The following PRELID2 variants were observed in gnomAD, a reference collection of about 807,000 sequenced individuals.
PRELID2 encodes the protein PRELI domain-containing protein 2.
PRELID2 carries 25 observed loss-of-function variants against 28.4 expected under a neutral mutation model. The ratio of observed to expected loss-of-function variants is 0.88; its 90% CI spans 0.64 to 1.23. The LOEUF (loss-of-function observed/expected upper bound fraction) is 1.23. PRELID2 is among the 50% of genes most tolerant of loss of function. PRELID2 has a pLI of 0.00. For synonymous variants in PRELID2, 76 were observed against 71.6 expected, an observed-to-expected ratio of 1.06 and a Z score of -0.31; for missense variants, 201 against 214.4, an observed-to-expected ratio of 0.94 and a Z score of 0.39.
At chr5:145,283,873 A>T in the PRELID2 span, among the ~76,000 whole-genome samples, 1 of 152,280 alleles carries the variant, frequency 6.6e-6, no homozygotes, top group Non-Finnish European at 1.5e-5. Context: ...CCATCACTAC[A>T]TTCAGTAAGC....
intron 5 of PRELID2, among the ~76,000 whole-genome samples, chr5:145,771,774 G>C (rs965009064): frequency 2.0e-5 from 3 of 152,106 alleles, no homozygotes; most frequent in Non-Finnish European, 4.4e-5. Context: ...AGAATTGCTT[G>C]AACGTGGGAG....
intron 4 of PRELID2, among the ~76,000 whole-genome samples, chr5:145,803,251 A>G (rs1485173231): frequency 6.6e-6 from 1 of 152,190 alleles, no homozygotes; most frequent in Non-Finnish European, 1.5e-5. Flanking sequence ...CTGCTGCTCC[A>G]GGATGGCAGA....
At chr5:145,649,058 C>T (rs1409276566) in intron 1 of PRELID2, among the ~76,000 whole-genome samples, 1 of 151,632 alleles carries the variant, frequency 6.6e-6, no homozygotes, top group African/African-American at 2.4e-5. Flanking sequence ...TTTTTGCATT[C>T]AATCAATCAC....
chr5:145,762,121 G>A (rs1337612903), intron 6 of PRELID2, among the ~76,000 whole-genome samples: 1 of 152,150 alleles, frequency 6.6e-6, no homozygotes, highest in African/African-American at 2.4e-5. Flanking sequence ...CATGAATTTT[G>A]AGAGTTGGAA....
the PRELID2 span, among the ~76,000 whole-genome samples, chr5:145,373,094 T>TGATATATATTACAACATATATAATATAC: frequency 1.5e-3 from 98 of 67,010 alleles, 14 homozygotes; most frequent in African/African-American, 5.9e-3. Flanking sequence ...ATATAATATA[T>TGATATATATTACAACATATATAATATAC]ATGATATATA....
chr5:145,621,523 T>A lies in PRELID2; in HGVS notation n.70+143408A>T, dbSNP rs552223256. Among the ~76,000 whole-genome samples the A allele has an allele frequency of 2.6e-5, 4 of 152,262 alleles. No individual in the cohort carries two copies. The East Asian group carries it at 7.7e-4, about 29-fold the overall frequency. ...CAAATCCCATCAACTGCTGAATAGA[T>A]AAATTAAATGTGGCATACTCATACA... On this transcript the variant is annotated intron_variant and non_coding_transcript_variant, in intron 1 of 2. Coordinates refer to the PRELID2 transcript ENST00000510259.
At chr5:145,748,224 G>A (rs576587943) in intron 1 of PRELID2, among the ~76,000 whole-genome samples, 4 of 152,286 alleles carry the variant, frequency 2.6e-5, no homozygotes, top group South Asian at 2.1e-4. Context: ...AATTGTCTCC[G>A]TTTGCAGACG....
chr5:145,830,154 C>T (rs1439429764), intron 1 of PRELID2, among the ~76,000 whole-genome samples: 1 of 152,164 alleles, frequency 6.6e-6, no homozygotes, highest in African/African-American at 2.4e-5. Flanking sequence ...TTGCTGAGTA[C>T]CTACTATGTT....
At chr5:145,432,888 A>G in the PRELID2 span, among the ~76,000 whole-genome samples, 3 of 152,194 alleles carry the variant, frequency 2.0e-5, no homozygotes, top group Admixed American at 1.3e-4. Context: ...GTCCCCAATT[A>G]AAGTTCAATG....
chr5:145,520,814 A>G (rs950001233), intron 1 of PRELID2, among the ~76,000 whole-genome samples: 1 of 152,232 alleles, frequency 6.6e-6, no homozygotes, highest in African/African-American at 2.4e-5. Context: ...CCTAGAAACT[A>G]GCACAATGCC....
At chr5:145,610,154 T>G (rs1278694524) in intron 1 of PRELID2, among the ~76,000 whole-genome samples, 1 of 152,152 alleles carries the variant, frequency 6.6e-6, no homozygotes, top group Non-Finnish European at 1.5e-5. Context: ...TGGGTCTCTG[T>G]GGAGGGTGTG....
chr5:145,772,370 C>T (rs542226907), intron 5 of PRELID2, among the ~76,000 whole-genome samples: 3 of 152,156 alleles, frequency 2.0e-5, no homozygotes, highest in South Asian at 4.2e-4. Context: ...TGAAAACCCC[C>T]GACACACTGT....
intron 1 of PRELID2, among the ~76,000 whole-genome samples, chr5:145,512,972 C>T (rs544749607): frequency 6.6e-5 from 10 of 152,060 alleles, no homozygotes; most frequent in Non-Finnish European, 1.2e-4. Flanking sequence ...CACAAAAACC[C>T]CATCCGAAGG....
chr5:145,612,902 G>T (rs1188277379), intron 1 of PRELID2, among the ~76,000 whole-genome samples: 1 of 152,158 alleles, frequency 6.6e-6, no homozygotes, highest in African/African-American at 2.4e-5. Flanking sequence ...CAATTGTGCT[G>T]CTATAAACAT....
At chr5:145,291,150 C>T in the PRELID2 span, among the ~76,000 whole-genome samples, 5 of 151,112 alleles carry the variant, frequency 3.3e-5, no homozygotes, top group Non-Finnish European at 5.9e-5. Flanking sequence ...CCATCCTGGC[C>T]AACATGGTGA....
intron 1 of PRELID2, among the ~76,000 whole-genome samples, chr5:145,701,952 A>G (rs1248560046): frequency 2.6e-5 from 4 of 152,004 alleles, no homozygotes; most frequent in Non-Finnish European, 5.9e-5. Context: ...TCGGGAGGCC[A>G]AGACAGGAGA....
the PRELID2 span, among the ~76,000 whole-genome samples, chr5:145,376,211 T>G: frequency 6.6e-6 from 1 of 152,200 alleles, no homozygotes; most frequent in African/African-American, 2.4e-5. Flanking sequence ...GACTTGTGTA[T>G]GTTGAACTAT....
the PRELID2 span, among the ~76,000 whole-genome samples, chr5:145,322,201 ACCC>A: frequency 6.6e-6 from 1 of 152,158 alleles, no homozygotes; most frequent in Non-Finnish European, 1.5e-5. Context: ...ACATCTCCTT[ACCC>A]TTCTCAGTCC....
At chr5:145,435,065 G>A in the PRELID2 span, among the ~76,000 whole-genome samples, 1 of 152,094 alleles carries the variant, frequency 6.6e-6, no homozygotes, top group African/African-American at 2.4e-5. Context: ...TCCAATATGT[G>A]GGCTAAGCAC....
Sources: allele counts gnomAD v4.1 joint callset (sites outside exome capture counted in the v4.1 genomes callset), GRCh38; gene constraint gnomAD v4.1.1; transcripts MANE v1.5; gene names NCBI Gene and HGNC (gene_info 2026-07-23, HGNC 2026-07-21).